Variants in HIBCH observed in about 807,000 individuals in gnomAD.
HIBCH encodes the protein 3-hydroxyisobutyryl-CoA hydrolase, mitochondrial.
A neutral mutation model predicts 58.2 loss-of-function variants in HIBCH; 50 were observed. The observed-to-expected ratio is 0.86, with a 90% CI of 0.68 to 1.09. The LOEUF is 1.09. Among genes scored for constraint, HIBCH ranks in the 50% least tolerant of loss-of-function variants. HIBCH has a pLI of 0.00. For missense variants in HIBCH, 450 were observed against 449.7 expected (o/e 1.00, Z -0.01); for synonymous variants, 151 against 146.9 (o/e 1.03, Z -0.20).
In HIBCH at chr2:190,192,844, A is replaced by G. The variant is rs188387798; in HGVS notation, c.*18-2847T>C. Among the ~76,000 whole-genome samples the G allele has an allele frequency of 2.2e-4, 33 of 152,184 alleles. No homozygotes were observed. In the East Asian group the frequency reaches 5.8e-3, roughly 27 times the overall value. ...GCTAAGTTTGTAGAAATTACTTTTT[A>G]TATGTCACTTTTATATGTTAAGACC... On this transcript the variant is annotated intron_variant, in intron 1 of 1. Transcript: ENST00000399855.
rs544400387 is a variant in HIBCH, at chr2:190,296,848, G to C, written c.184C>G (p.Leu62Val). The change falls in exon 3 of 14, where the codon CTT becomes GTT. Residue 62 changes from leucine to valine, a missense_variant. By Grantham distance (32) the Leu-to-Val change is conservative (BLOSUM62 1). Transcript: ENST00000359678. ...NRPKFLNALT[L>V]NMIRQIYPQL... ...GGATAAATCTGCCGAATCATATTAA[G>C]AGTCAGTGCATTGAGGAACTTTGGT... The C allele has an allele frequency of 2.5e-6, 4 of 1,614,032 alleles. No homozygotes were observed. In the East Asian group the frequency reaches 8.9e-5, roughly 36 times the overall value.
intron 11 of HIBCH, among the ~76,000 whole-genome samples, chr2:190,227,533 C>T (rs529356586): frequency 6.6e-6 from 1 of 152,282 alleles, no homozygotes; most frequent in South Asian, 2.1e-4. Flanking sequence ...GACTAAATCA[C>T]CAAAAACAAT....
downstream of HIBCH, chr2:190,200,271 T>C: frequency 1.3e-6 from 1 of 770,406 alleles, no homozygotes; most frequent in Non-Finnish European, 2.2e-6. Context: ...TACGATAATG[T>C]CACTATTATA....
At chr2:190,241,641 A>T (rs576932736) in intron 11 of HIBCH, among the ~76,000 whole-genome samples, 15 of 152,254 alleles carry the variant, frequency 9.9e-5, no homozygotes, top group African/African-American at 3.4e-4. Context: ...TTCAGGAGCT[A>T]TTGTAATACA....
intron 11 of HIBCH, among the ~76,000 whole-genome samples, chr2:190,220,105 C>A (rs898328335): frequency 2.6e-5 from 4 of 152,144 alleles, no homozygotes; most frequent in Non-Finnish European, 4.4e-5. Flanking sequence ...TAATGCTATG[C>A]CACTCCTTTT....
At chr2:190,308,849 G>A (rs1414419322) in intron 2 of HIBCH, among the ~76,000 whole-genome samples, 1 of 152,164 alleles carries the variant, frequency 6.6e-6, no homozygotes, top group Non-Finnish European at 1.5e-5. Context: ...TAGTTACGTA[G>A]TGCCCACTCT....
At chr2:190,193,364 G>C (rs1173941869) in intron 1 of HIBCH, among the ~76,000 whole-genome samples, 1 of 152,080 alleles carries the variant, frequency 6.6e-6, no homozygotes, top group African/African-American at 2.4e-5. Flanking sequence ...CTATGTTCAT[G>C]AGGGATATTG....
intron 1 of HIBCH, among the ~76,000 whole-genome samples, chr2:190,314,339 AT>A (rs1688647913): frequency 2.0e-5 from 1 of 48,880 alleles, no homozygotes; most frequent in Non-Finnish European, 4.9e-5. Context: ...GTATATATAC[AT>A]ATATATGTGT....
intron 7 of HIBCH, among the ~76,000 whole-genome samples, chr2:190,253,436 T>C (rs1686836182): frequency 6.6e-6 from 1 of 152,082 alleles, no homozygotes; most frequent in South Asian, 2.1e-4. Context: ...CAGAAATATC[T>C]CTTAGTATCT....
At chr2:190,276,257 CAG>C (rs1687548586) in intron 6 of HIBCH, among the ~76,000 whole-genome samples, 1 of 152,200 alleles carries the variant, frequency 6.6e-6, no homozygotes, top group African/African-American at 2.4e-5. Flanking sequence ...AAAGTTTCAT[CAG>C]AGACTCCTCA....
At chr2:190,238,623 C>T (rs1686354760) in intron 11 of HIBCH, among the ~76,000 whole-genome samples, 1 of 152,180 alleles carries the variant, frequency 6.6e-6, no homozygotes, top group Non-Finnish European at 1.5e-5. Flanking sequence ...CTCTACCACA[C>T]CTGGCTAATT....
intron 3 of HIBCH, among the ~76,000 whole-genome samples, chr2:190,295,896 A>G (rs1688091523): frequency 1.3e-5 from 2 of 152,238 alleles, no homozygotes; most frequent in South Asian, 4.1e-4. Flanking sequence ...GGCAGACTGT[A>G]TTAGGTACTT....
In HIBCH at chr2:190,204,521, C is replaced by A. The variant is rs1334957274; in HGVS notation, c.*596G>T. On this transcript the variant is annotated 3_prime_UTR_variant, in exon 14 of 14. Transcript: ENST00000359678. ...AGGTTTCTAATGTTTATAAAAGGAGCTCTTCTGCTACAGTAACTCAGTTAC... is the reference window on the plus strand; with the variant it reads ...AGGTTTCTAATGTTTATAAAAGGAGATCTTCTGCTACAGTAACTCAGTTAC... 6.6e-6 allele frequency: 1 copy of A among 152,226 alleles called. No individual in the cohort carries two copies. Among genetic ancestry groups the A allele is most frequent in the African/African-American group, 2.4e-5 (1 of 41,434 alleles). The allele number at this position is 152,226 out of a possible 1,614,324, so 9.4% of individuals were successfully genotyped here.
intron 11 of HIBCH, among the ~76,000 whole-genome samples, chr2:190,244,144 T>TACACACAC (rs3838544): frequency 7.0e-6 from 1 of 142,704 alleles, no homozygotes; most frequent in African/African-American, 2.6e-5. Context: ...TATATATATA[T>TACACACAC]ATACACACAC....
In HIBCH at chr2:190,204,567, G is replaced by A. The variant is rs1690342201; in HGVS notation, c.*550C>T. On this transcript the variant is annotated 3_prime_UTR_variant, in exon 14 of 14. Transcript: ENST00000359678. ...GTTACTTTAAAACACACTCATATAT[G>A]GAGAAAATTCTATGAGGCATTAACA... is the stretch of plus-strand genomic sequence containing the variant. 1 of 153,968 alleles carries A rather than the reference G, an allele frequency of 6.5e-6. No individual in the cohort carries two copies. Among genetic ancestry groups the A allele is most frequent in the South Asian group, 2.0e-4 (1 of 4,976 alleles). The allele number at this position is 153,968 out of a possible 1,614,324, so 9.5% of individuals were successfully genotyped here. A position where few individuals can be genotyped will look rare whatever the true frequency, so the allele number is the denominator to read the frequency against.
chr2:190,235,981 A>G (rs2105924724), intron 11 of HIBCH, among the ~76,000 whole-genome samples: 1 of 152,318 alleles, frequency 6.6e-6, no homozygotes, highest in South Asian at 2.1e-4. Context: ...TACCTATCAT[A>G]TGAAATACTT....
At position 190,252,328 on chromosome 2, in the gene HIBCH, A is replaced by C. The variant is rs763411268; in HGVS notation, c.518-21T>G. Reference sequence around the variant, plus strand: ...CAGTCCTGTAATTAAATGTAACAAAAAGAGATAATGGTGATTCAAATGAAA... The same window carrying C: ...CAGTCCTGTAATTAAATGTAACAAACAGAGATAATGGTGATTCAAATGAAA... On this transcript the variant is annotated intron_variant, in intron 7 of 13. Transcript: ENST00000359678. 6.2e-6 allele frequency: 10 copies of C among 1,603,128 alleles called. No individual in the cohort carries two copies. In the Admixed American group the frequency reaches 1.7e-4, roughly 27 times the overall value.
intron 1 of HIBCH, among the ~76,000 whole-genome samples, chr2:190,192,860 T>G (rs1011172801): frequency 6.6e-6 from 1 of 152,180 alleles, no homozygotes; most frequent in Non-Finnish European, 1.5e-5. Context: ...CACTTTTATA[T>G]GTTAAGACCT....
chr2:190,288,113 C>T lies in HIBCH; in HGVS notation c.386-475G>A, dbSNP rs542335029. Among the ~76,000 whole-genome samples the T allele has an allele frequency of 1.9e-4, 29 of 148,838 alleles. No individual in the cohort carries two copies. In the South Asian group the frequency reaches 2.1e-3, roughly 11 times the overall value. On this transcript the variant is annotated intron_variant, in intron 5 of 13. Transcript: ENST00000359678. The stretch of plus-strand genomic sequence containing the variant: ...GGTTGAGGCTGCAGTGAGCTGTGAT[C>T]ATGCCACTGCACTCCAGCCTGGGCA...
Sources: gnomAD v4.1 joint callset for allele counts (sites outside exome capture counted in the v4.1 genomes callset) on GRCh38, gnomAD v4.1.1 for gene constraint, MANE v1.5 for transcripts, NCBI Gene and HGNC (gene_info 2026-07-23, HGNC 2026-07-21) for gene names.